GAS7: variants seen among roughly 807,000 people sequenced by gnomAD.
GAS7 encodes growth arrest-specific protein 7.
Under a neutral mutation model 71.1 loss-of-function variants are expected in GAS7, and 28 were observed. The observed-to-expected ratio is 0.39, with a 90% CI of 0.29 to 0.54. The LOEUF (loss-of-function observed/expected upper bound fraction) is 0.54. GAS7 is among the 20% of genes least tolerant of loss of function. The probability of loss-of-function intolerance (pLI) is 0.62; values close to 1 mark genes in which losing one functional copy is unlikely to be tolerated. For missense variants in GAS7, 436 were observed against 627.8 expected (o/e 0.69, Z 3.27); for synonymous variants, 258 against 245.8 (o/e 1.05, Z -0.46).
rs2072975210 is a variant in GAS7 at position 10,046,840 on chromosome 17, G to GAAAA, written c.184-26944_184-26943insTTTT. Among the ~76,000 whole-genome samples the GAAAA allele has an allele frequency of 2.4e-4, 23 of 94,664 alleles. 1 individual carries two copies. The highest frequency in any genetic ancestry group is 8.6e-4 in the African/African-American group (13 of 15,152). The allele number at this position is 94,664 out of a possible 152,430, so 62.1% of individuals were successfully genotyped here. A position where few individuals can be genotyped will look rare whatever the true frequency, so the allele number is the denominator to read the frequency against. ...AGGAAGGAAGGAAGGAAGGAAGGAA[G>GAAAA]GAAGGAAAGAAAAGAAAAGAAAAAA... On this transcript the variant is annotated intron_variant, in intron 1 of 13. Transcript: ENST00000432992.
chr17:9,945,423 C>G (rs1471791542), intron 6 of GAS7, among the ~76,000 whole-genome samples: 1 of 151,974 alleles, frequency 6.6e-6, no homozygotes, highest in Admixed American at 6.6e-5. Flanking sequence ...TTGCTTACCC[C>G]GATGCTTGCT....
intron 1 of GAS7, among the ~76,000 whole-genome samples, chr17:10,127,473 G>A (rs1344825291): frequency 6.6e-6 from 1 of 152,118 alleles, no homozygotes; most frequent in African/African-American, 2.4e-5. Flanking sequence ...TTCCTGTGGG[G>A]AACGCTCCAT....
In GAS7 at chr17:9,925,456, G is replaced by C. The variant is rs1470970702; in HGVS notation, c.1138+20C>G. On this transcript the variant is annotated intron_variant, in intron 11 of 13. Coordinates refer to ENST00000432992, the MANE Select transcript of GAS7 (RefSeq NM_201433.2). ...CCTTCTGTGTGCACTGACCAGGCCA[G>C]GCGGGTGCCCAGCACTTACCAGCCT... 6.2e-7 allele frequency: 1 copy of C among 1,613,784 alleles called. No homozygotes were observed. The highest frequency in any genetic ancestry group is 1.1e-5 in the South Asian group (1 of 91,078).
intron 1 of GAS7, among the ~76,000 whole-genome samples, chr17:10,021,385 C>T (rs1349768987): frequency 2.0e-5 from 3 of 152,232 alleles, no homozygotes; most frequent in Non-Finnish European, 4.4e-5. Context: ...AACCACGTGC[C>T]GTGGCTTCCC....
In GAS7 at chr17:9,934,169, G is replaced by A. The variant is rs183141126; in HGVS notation, c.882C>T (p.Ala294=). Residue 294 remains alanine, a synonymous_variant, in exon 9 of 14, where the codon GCC becomes GCT. Transcript: ENST00000432992. The part of the protein sequence containing the change: ...DEAEVHLKFS[A]KLHSEVEKPL... ...GGTGGCTGCAGGGAGGGGTTACCTT[G>A]GCAGAGAACTTGAGGTGAACTTCTG... 4 of 1,606,438 alleles carry A rather than the reference G, an allele frequency of 2.5e-6. No individual in the cohort carries two copies. The Admixed American group carries it at 5.0e-5, about 20-fold the overall frequency.
In GAS7 at chr17:9,926,556, T is replaced by C. The variant is rs528710664; in HGVS notation, c.1014+85A>G. The C allele has an allele frequency of 5.7e-5, 80 of 1,407,636 alleles. No individual in the cohort carries two copies. The Middle Eastern group carries it at 7.0e-4, about 12-fold the overall frequency. The allele number at this position is 1,407,636 out of a possible 1,614,324, so 87.2% of individuals were successfully genotyped here. ...GGGACAAAGACTCAGCCTTGGCGTA[T>C]GGAGCCACTGCTGGCTTCCCAGTCC... On this transcript the variant is annotated intron_variant, in intron 10 of 13. Transcript: ENST00000432992. The surrounding 1 kb of genome is among the most constrained non-coding windows in gnomAD (Gnocchi z 5.0).
intron 1 of GAS7, among the ~76,000 whole-genome samples, chr17:10,054,767 G>A (rs1416174229): frequency 2.6e-5 from 4 of 152,228 alleles, no homozygotes; most frequent in African/African-American, 9.6e-5. Flanking sequence ...GCAGCTGGAT[G>A]CCAGCTTCCA....
At chr17:9,968,591 C>G (rs968991685) in intron 4 of GAS7, among the ~76,000 whole-genome samples, 2 of 152,234 alleles carry the variant, frequency 1.3e-5, no homozygotes, top group African/African-American at 4.8e-5. Context: ...CATGATAAAG[C>G]TGAGTGTCAC....
Position 9,926,781 on chromosome 17 carries a change from G to A in GAS7, c.886-12C>T, listed in dbSNP as rs1179237152. 1 of 1,613,936 alleles carries A rather than the reference G, an allele frequency of 6.2e-7. No individual in the cohort carries two copies. The highest frequency in any genetic ancestry group is 8.5e-7 in the Non-Finnish European group (1 of 1,179,918). On this transcript the variant is annotated splice_polypyrimidine_tract_variant and intron_variant, in intron 9 of 13. Coordinates refer to ENST00000432992, the MANE Select transcript of GAS7 (RefSeq NM_201433.2). This position sits in a 1 kb window ranked among gnomAD's most constrained non-coding sequence, Gnocchi z 5.0. ...ACCTCGCTGTGAAGCTGTTGGGAGAGTAGAGACGCACACTCAGGACCCAGG... is the reference window on the plus strand; with the variant it reads ...ACCTCGCTGTGAAGCTGTTGGGAGAATAGAGACGCACACTCAGGACCCAGG...
chr17:10,066,492 T>C (rs2073282341), intron 1 of GAS7, among the ~76,000 whole-genome samples: 1 of 152,024 alleles, frequency 6.6e-6, no homozygotes, highest in Non-Finnish European at 1.5e-5. Flanking sequence ...GCCAGACTAC[T>C]TTTTTTTGTT....
intron 4 of GAS7, among the ~76,000 whole-genome samples, chr17:9,968,609 C>A (rs2069821515): frequency 6.6e-6 from 1 of 152,242 alleles, no homozygotes. Context: ...CACATTTCAG[C>A]TGATTATACT....
intron 3 of GAS7, among the ~76,000 whole-genome samples, chr17:9,970,543 G>A (rs3786096): frequency 0.58 from 87,893 of 151,694 alleles, 26,173 homozygotes; most frequent in African/African-American, 0.73. Flanking sequence ...GAGGCAGGAG[G>A]ATCGCTTGAA....
At chr17:9,989,783 G>A (rs757117264) in intron 2 of GAS7, among the ~76,000 whole-genome samples, 1 of 152,148 alleles carries the variant, frequency 6.6e-6, no homozygotes, top group East Asian at 1.9e-4. Flanking sequence ...TTGTTACATC[G>A]CAAATTACCC....
intron 2 of GAS7, among the ~76,000 whole-genome samples, chr17:10,010,818 C>T (rs940834888): frequency 6.6e-6 from 1 of 152,132 alleles, no homozygotes; most frequent in Admixed American, 6.6e-5. Flanking sequence ...GAATGAGTAT[C>T]ACTTTTACAC....
chr17:10,098,043 CAA>C (rs34381280), intron 1 of GAS7, among the ~76,000 whole-genome samples: 19,049 of 136,702 alleles, frequency 0.14, 1,350 homozygotes, highest in East Asian at 0.26. Context: ...GACTCCATCT[CAA>C]AAAAAAAAAA....
intron 2 of GAS7, among the ~76,000 whole-genome samples, chr17:9,998,729 G>T (rs1481812580): frequency 1.3e-5 from 2 of 152,082 alleles, no homozygotes; most frequent in Non-Finnish European, 2.9e-5. Flanking sequence ...AAAAGAAGTA[G>T]CATCAGACAT....
intron 1 of GAS7, among the ~76,000 whole-genome samples, chr17:10,087,440 G>A (rs1464956427): frequency 6.6e-6 from 1 of 152,232 alleles, no homozygotes; most frequent in Non-Finnish European, 1.5e-5. Context: ...GGACACAAAG[G>A]GCCAAGTTTC....
In GAS7 at chr17:9,918,154, T is replaced by C. The variant is rs2067658950; in HGVS notation, c.1219-55A>G. The C allele has an allele frequency of 4.6e-6, 6 of 1,293,464 alleles. No individual in the cohort carries two copies. In the South Asian group the frequency reaches 4.8e-5, roughly 10 times the overall value. 80.1% of individuals were successfully genotyped at this position (1,293,464 alleles called of 1,614,324 possible). On this transcript the variant is annotated intron_variant, in intron 12 of 13. Transcript: ENST00000432992. ...TGAGCACGTCCCCTCCACTTGGGGG[T>C]CCCCCCACCAAGACCACAAAACGCA...
chr17:9,928,445 T>C (rs893402466), intron 9 of GAS7, among the ~76,000 whole-genome samples: 1 of 151,970 alleles, frequency 6.6e-6, no homozygotes, highest in Non-Finnish European at 1.5e-5. Context: ...AGAAAACAGA[T>C]CAACGGGACC....
Sources: allele counts gnomAD v4.1 joint callset (sites outside exome capture counted in the v4.1 genomes callset), GRCh38; gene constraint gnomAD v4.1.1; non-coding constraint Gnocchi (gnomAD v3.1); transcripts MANE v1.5; gene names NCBI Gene and HGNC (gene_info 2026-07-23, HGNC 2026-07-21).